Variants in LARP1 observed in about 807,000 individuals in gnomAD.
LARP1 encodes La ribonucleoprotein 1, translational regulator, also known as la-related protein 1.
In LARP1, 36 loss-of-function variants were observed where a neutral mutation model predicts 122.7. The observed-to-expected ratio is 0.29, with a 90% confidence interval of 0.22 to 0.39. LARP1 has a LOEUF of 0.39. Ranked by LOEUF, LARP1 falls within the 10% of genes least tolerant of loss-of-function variation. LARP1 has a pLI of 1.00. For synonymous variants in LARP1, 539 were observed against 528.7 expected, an observed-to-expected ratio of 1.02 and a Z score of -0.27; for missense variants, 1,040 against 1,403.6, an observed-to-expected ratio of 0.74 and a Z score of 4.14.
rs1304327406 is a variant in LARP1, at chr5:154,694,560, C to T, written c.-180+11523C>T. Reference sequence around the variant, plus strand: ...CAGGTGTAAGCGACTATACCTGGCCCACCATGCTTTAGACAATGGGGAAAT... The same window carrying T: ...CAGGTGTAAGCGACTATACCTGGCCTACCATGCTTTAGACAATGGGGAAAT... On this transcript the variant is annotated intron_variant, in intron 1 of 18. Coordinates refer to the LARP1 transcript ENST00000687700. Among the ~76,000 whole-genome samples the T allele has an allele frequency of 1.3e-5, 2 of 152,170 alleles. 1 individual carries two copies. The highest frequency in any genetic ancestry group is 4.8e-5 in the African/African-American group (2 of 41,428).
intron 3 of LARP1, chr5:154,792,162 A>G (rs1049587558): frequency 8.8e-6 from 3 of 339,802 alleles, no homozygotes; most frequent in African/African-American, 2.1e-5. Context: ...CCTAGCAAAG[A>G]GAGGACTCCT....
intron 1 of LARP1, among the ~76,000 whole-genome samples, chr5:154,721,757 A>T (rs371196317): frequency 1.3e-5 from 2 of 152,218 alleles, no homozygotes; most frequent in East Asian, 3.8e-4. Flanking sequence ...GAGAGAACCA[A>T]TCCAGAGAAG....
chr5:154,741,701 G>A (rs77149945), intron 1 of LARP1, among the ~76,000 whole-genome samples: 3,773 of 152,254 alleles, frequency 0.025, 149 homozygotes, highest in African/African-American at 0.087. Flanking sequence ...GAAACGGGGG[G>A]AAAATCTGGA....
chr5:154,805,664 T>C, intron 14 of LARP1: 2 of 508,400 alleles, frequency 3.9e-6, no homozygotes, highest in Non-Finnish European at 3.5e-6. Flanking sequence ...TCTCCTAATC[T>C]CTGTAAGCCT....
chr5:154,729,544 G>C, intron 1 of LARP1: 1 of 438,044 alleles, frequency 2.3e-6, no homozygotes, highest in Non-Finnish European at 4.5e-6. Flanking sequence ...TGAAAAGTGT[G>C]AAGGAAAATG....
intron 1 of LARP1, among the ~76,000 whole-genome samples, chr5:154,698,502 C>G (rs1000161213): frequency 6.6e-6 from 1 of 152,114 alleles, no homozygotes; most frequent in African/African-American, 2.4e-5. Context: ...GAGGCTGAGG[C>G]AGGAGAATTG....
intron 1 of LARP1, among the ~76,000 whole-genome samples, chr5:154,787,131 G>A (rs1020692757): frequency 1.3e-5 from 2 of 152,086 alleles, no homozygotes; most frequent in Non-Finnish European, 2.9e-5. Flanking sequence ...CACCCACCTC[G>A]GCCTCCCAAA....
intron 1 of LARP1, among the ~76,000 whole-genome samples, chr5:154,748,847 T>C (rs1356587962): frequency 6.6e-6 from 1 of 152,186 alleles, no homozygotes; most frequent in Non-Finnish European, 1.5e-5. Context: ...GACCTCACTA[T>C]TAATAGCTAT....
At chr5:154,730,022 A>G (rs559551148) in intron 1 of LARP1, among the ~76,000 whole-genome samples, 134 of 152,338 alleles carry the variant, frequency 8.8e-4, no homozygotes, top group Non-Finnish European at 1.5e-3. Context: ...GCCACAGATC[A>G]GAATTATGAG....
chr5:154,801,531 T>C (rs1266834120), intron 10 of LARP1, among the ~76,000 whole-genome samples: 1 of 152,228 alleles, frequency 6.6e-6, no homozygotes, highest in Admixed American at 6.5e-5. Flanking sequence ...CCCTCATTTA[T>C]TATATAATTG....
At chr5:154,686,281 C>T (rs1228646121) in intron 1 of LARP1, among the ~76,000 whole-genome samples, 1 of 152,176 alleles carries the variant, frequency 6.6e-6, no homozygotes, top group East Asian at 1.9e-4. Context: ...AGGGAGATGT[C>T]ACTTCTGGCT....
At chr5:154,807,301 C>T (rs1582479422) in intron 15 of LARP1, among the ~76,000 whole-genome samples, 1 of 152,246 alleles carries the variant, frequency 6.6e-6, no homozygotes, top group East Asian at 1.9e-4. Flanking sequence ...TGGGCATATT[C>T]ACATACAGGT....
intron 18 of LARP1, 79 bp downstream of exon 18, chr5:154,811,719 C>T (rs1483316659): frequency 1.3e-6 from 2 of 1,554,786 alleles, no homozygotes; most frequent in Non-Finnish European, 1.8e-6. Context: ...GGATTCTGGT[C>T]CAGCTGTGCC....
In LARP1 at chr5:154,759,145, C is replaced by T. The variant is rs186225938; in HGVS notation, c.436+2952C>T. 9.8e-4 allele frequency among the ~76,000 whole-genome samples: 150 copies of T among 152,296 alleles called. 2 individuals are homozygous for T. Among genetic ancestry groups the T allele is most frequent in the South Asian group, 2.1e-4 (1 of 4,822 alleles). The stretch of plus-strand genomic sequence containing the variant: ...GTTATTTAACCATTCTATGCCTCAC[C>T]TTCTTAATTTGTGTAATAGGTATTT... On this transcript the variant is annotated intron_variant, in intron 1 of 18. Coordinates refer to ENST00000518297, the MANE Select transcript of LARP1 (RefSeq NM_033551.3).
At chr5:154,727,014 T>C (rs1262536277) in intron 1 of LARP1, among the ~76,000 whole-genome samples, 1 of 152,216 alleles carries the variant, frequency 6.6e-6, no homozygotes, top group Non-Finnish European at 1.5e-5. Flanking sequence ...GGGATCATTA[T>C]AATTCAAGGT....
chr5:154,807,193 T>C (rs1315426026), intron 15 of LARP1, among the ~76,000 whole-genome samples: 1 of 152,270 alleles, frequency 6.6e-6, no homozygotes, highest in East Asian at 1.9e-4. Flanking sequence ...TGCCAAATCA[T>C]ATTCCATCGT....
Position 154,808,517 on chromosome 5 carries a change from G to A in LARP1, c.2757G>A (p.Trp919Ter), listed in dbSNP as rs776635107. The part of the protein sequence containing the change: ...SQEMNTLFRF[W>*]SFFLRDHFNK... ...AGATGAACACACTCTTCCGCTTCTG[G>A]TCCTTCTTCCTCCGAGATCACTTCA... Residue 919 changes from tryptophan to a stop codon, truncating the protein, a stop_gained, in exon 16 of 19, where the codon TGG becomes TGA. Coordinates refer to ENST00000518297, the MANE Select transcript of LARP1 (RefSeq NM_033551.3). LOFTEE classifies it high-confidence loss of function. 1 of 1,613,964 alleles carries A rather than the reference G, an allele frequency of 6.2e-7. No individual in the cohort carries two copies. The highest frequency in any genetic ancestry group is 1.3e-5 in the African/African-American group (1 of 75,018).
chr5:154,762,213 A>G (rs866242658), intron 1 of LARP1, among the ~76,000 whole-genome samples: 42 of 152,310 alleles, frequency 2.8e-4, no homozygotes, highest in African/African-American at 9.4e-4. Flanking sequence ...ACTGCACTCC[A>G]GCCTGGGTGA....
intron 1 of LARP1, among the ~76,000 whole-genome samples, chr5:154,773,003 T>TTTA (rs1476809489): frequency 6.8e-6 from 1 of 148,138 alleles, no homozygotes; most frequent in South Asian, 2.1e-4. Context: ...TTTTTTTTTT[T>TTTA]AAAAGACCTT....
Sources: allele counts gnomAD v4.1 joint callset (sites outside exome capture counted in the v4.1 genomes callset), GRCh38; gene constraint gnomAD v4.1.1; transcripts MANE v1.5; gene names NCBI Gene and HGNC (gene_info 2026-07-23, HGNC 2026-07-21).